The following CEACAM4 variants were observed in gnomAD, a reference collection of about 807,000 sequenced individuals.
CEACAM4 encodes cell adhesion molecule CEACAM4.
CEACAM4 carries 30 observed loss-of-function variants against 28.7 expected under a neutral mutation model. The observed-to-expected ratio is 1.05, with a 90% CI of 0.78 to 1.42. CEACAM4 has a LOEUF of 1.42. CEACAM4 is among the 40% of genes most tolerant of loss of function. CEACAM4 has a pLI of 0.00. For synonymous variants in CEACAM4, 143 were observed against 126.5 expected (o/e 1.13, Z -0.87); for missense variants, 330 against 308.2 (o/e 1.07, Z -0.53).
rs548939776 is a variant in CEACAM4, at chr19:41,625,894, C to G, written c.131G>C (p.Ser44Thr). The part of the protein sequence containing the change: ...VQFTIEALPS[S>T]AAEGKDVLLL... The stretch of plus-strand genomic sequence containing the variant: ...AAGAACATCCTTTCCCTCTGCAGCA[C>G]TGGACGGCAGGGCTTCAATAGTGAA... The change falls in exon 2 of 7, where the codon AGT becomes ACT. Residue 44 changes from serine to threonine, a missense_variant. Transcript: ENST00000221954. 30 of 1,613,912 alleles carry G rather than the reference C, an allele frequency of 1.9e-5. No homozygotes were observed. In the South Asian group the frequency reaches 3.1e-4, roughly 17 times the overall value.
intron 1 of CEACAM4, among the ~76,000 whole-genome samples, 182 bp downstream of exon 1, chr19:41,626,718 G>C (rs117503781): frequency 0.015 from 2,209 of 152,266 alleles, 41 homozygotes; most frequent in Admixed American, 0.057. Flanking sequence ...AGATTTTCCT[G>C]TTGTGACCCC....
intron 2 of CEACAM4, among the ~76,000 whole-genome samples, chr19:41,624,416 A>C (rs898716874): frequency 1.2e-4 from 18 of 152,210 alleles, no homozygotes; most frequent in African/African-American, 1.2e-4. Context: ...TTTCATGTCC[A>C]GAGATGCGGG....
downstream of CEACAM4, among the ~76,000 whole-genome samples, chr19:41,614,803 C>T (rs1391135154): frequency 1.3e-5 from 2 of 152,096 alleles, no homozygotes; most frequent in Admixed American, 6.6e-5. Context: ...GGGGCCACCA[C>T]CTCCATATGC....
chr19:41,626,063 A>AGTGTGTGTGT lies in CEACAM4; in HGVS notation c.65-113_65-104dup, dbSNP rs61710351. 107 of 653,384 alleles carry AGTGTGTGTGT rather than the reference A, an allele frequency of 1.6e-4. 3 individuals carry two copies. Among genetic ancestry groups the AGTGTGTGTGT allele is most frequent in the African/African-American group, 8.2e-4 (34 of 41,442 alleles). The allele number at this position is 653,384 out of a possible 1,614,324, so 40.5% of individuals were successfully genotyped here. On this transcript the variant is annotated intron_variant, in intron 1 of 6. Coordinates refer to ENST00000221954, the MANE Select transcript of CEACAM4 (RefSeq NM_001817.4). ...AGGTCTCCTCATCCCTCAGCCTTGG[A>AGTGTGTGTGT]GTGTGTGTGTGTGTGTGTGTGTGTG...
intron 1 of CEACAM4, 58 bp from the exon 2 acceptor site, chr19:41,626,018 T>C (rs1037104166): frequency 2.0e-6 from 3 of 1,533,760 alleles, no homozygotes; most frequent in Non-Finnish European, 2.6e-6. Context: ...GATGGAAAGA[T>C]AAGGCCCTGG....
chr19:41,625,588 G>A lies in CEACAM4; in HGVS notation c.424+13C>T. On this transcript the variant is annotated intron_variant, in intron 2 of 6. Transcript: ENST00000221954. ...TGACCGCCAGCACCCAGAGGTATGG[G>A]GGAATCACTCACGGTGTACGTGGAG... 1 of 1,558,446 alleles carries A rather than the reference G, an allele frequency of 6.4e-7. No homozygotes were observed.
chr19:41,623,624 C>T (rs1254420775), intron 2 of CEACAM4, among the ~76,000 whole-genome samples: 1 of 151,680 alleles, frequency 6.6e-6, no homozygotes, highest in Non-Finnish European at 1.5e-5. Context: ...AGTTTTTTCT[C>T]TCCTTTAGGT....
downstream of CEACAM4, among the ~76,000 whole-genome samples, chr19:41,616,495 AGATAGAT>A (rs2070984816): frequency 1.2e-4 from 1 of 8,428 alleles, no homozygotes; most frequent in African/African-American, 4.5e-4. Flanking sequence ...GATGATAGAT[AGATAGAT>A]AGATAGATAG....
intron 2 of CEACAM4, among the ~76,000 whole-genome samples, chr19:41,624,204 C>T (rs1555802883): frequency 6.6e-6 from 1 of 152,144 alleles, no homozygotes; most frequent in Non-Finnish European, 1.5e-5. Flanking sequence ...CTCCTAGGAT[C>T]TTGTATCCAG....
chr19:41,618,639 C>T (rs566589525), downstream of CEACAM4, among the ~76,000 whole-genome samples: 16 of 152,292 alleles, frequency 1.1e-4, no homozygotes, highest in Admixed American at 2.6e-4. Context: ...GGGCCACAGC[C>T]GCAACCTATA....
intron 2 of CEACAM4, among the ~76,000 whole-genome samples, chr19:41,624,178 A>C (rs2071492046): frequency 6.6e-6 from 1 of 151,978 alleles, no homozygotes. Flanking sequence ...TGTGTGTCTC[A>C]CGTTGGGCCC....
Position 41,621,754 on chromosome 19 carries a change from C to G in CEACAM4, c.439G>C (p.Gly147Arg), listed in dbSNP as rs1438503392. 2 of 1,608,602 alleles carry G rather than the reference C, an allele frequency of 1.2e-6. No homozygotes were observed. The highest frequency in any genetic ancestry group is 2.7e-5 in the African/African-American group (2 of 74,664). ...QLHVHQNNVP[G>R]LPVGAVAGIV... ...CCAGCGACGGCCCCCACAGGAAGGC[C>G]TGGGACGTTGTTTTCTGCAGAAAGG... The change falls in exon 3 of 7, where the codon GGC becomes CGC. Residue 147 changes from glycine to arginine, a missense_variant. Transcript: ENST00000221954.
At chr19:41,625,557 C>A (rs782178167) in intron 2 of CEACAM4, 44 bp downstream of exon 2, 98 of 1,542,348 alleles carry the variant, frequency 6.4e-5, no homozygotes, top group Non-Finnish European at 8.6e-5. Context: ...GTGTGTGAAG[C>A]AGAACTGACC....
downstream of CEACAM4, among the ~76,000 whole-genome samples, chr19:41,616,494 TAGATAGA>T (rs1186345914): frequency 1.2e-4 from 1 of 8,420 alleles, no homozygotes; most frequent in African/African-American, 4.5e-4. Context: ...AGATGATAGA[TAGATAGA>T]TAGATAGATA....
chr19:41,613,485 C>T, the CEACAM4 span, among the ~76,000 whole-genome samples: 1 of 147,154 alleles, frequency 6.8e-6, no homozygotes, highest in Non-Finnish European at 1.5e-5. Context: ...GGATACAGGC[C>T]CTGTCTGGAG....
intron 1 of CEACAM4, among the ~76,000 whole-genome samples, chr19:41,626,674 G>C (rs1200138666): frequency 6.6e-6 from 1 of 152,180 alleles, no homozygotes; most frequent in Non-Finnish European, 1.5e-5. Flanking sequence ...GAACACTTGA[G>C]ATTTTCCTGC....
chr19:41,617,549 T>C (rs548079987), downstream of CEACAM4, among the ~76,000 whole-genome samples: 7 of 152,216 alleles, frequency 4.6e-5, no homozygotes, highest in Non-Finnish European at 1.0e-4. Context: ...GGGGAGGTTG[T>C]TGTGGTTTAT....
At chr19:41,614,451 C>T (rs1555798594), downstream of CEACAM4, among the ~76,000 whole-genome samples, 1 of 152,228 alleles carries the variant, frequency 6.6e-6, no homozygotes, top group African/African-American at 2.4e-5. Flanking sequence ...AGGGACTAAA[C>T]TGCAGTCCCA....
chr19:41,620,879 A>G (rs1555801113), intron 3 of CEACAM4, among the ~76,000 whole-genome samples: 1 of 151,952 alleles, frequency 6.6e-6, no homozygotes, highest in East Asian at 1.9e-4. Flanking sequence ...CCAGGGACCC[A>G]GGAAAGGGAC....
Sources: allele counts gnomAD v4.1 joint callset (sites outside exome capture counted in the v4.1 genomes callset), GRCh38; gene constraint gnomAD v4.1.1; transcripts MANE v1.5; gene names NCBI Gene and HGNC (gene_info 2026-07-23, HGNC 2026-07-21).